Variants in YES1 observed in about 807,000 individuals in gnomAD.
The protein encoded by YES1 is YES proto-oncogene 1, Src family tyrosine kinase.
Under a neutral mutation model 70.4 loss-of-function variants are expected in YES1, and 39 were observed. The ratio of observed to expected loss-of-function variants is 0.55; its 90% CI spans 0.43 to 0.72. The LOEUF (loss-of-function observed/expected upper bound fraction) is 0.72. YES1 is among the 30% of genes least tolerant of loss of function. YES1 has a pLI of 0.00. For synonymous variants in YES1, 198 were observed against 218.6 expected (o/e 0.91, Z 0.83); for missense variants, 495 against 644.8 (o/e 0.77, Z 2.52).
intron 3 of YES1, among the ~76,000 whole-genome samples, chr18:751,056 G>A (rs1461523706): frequency 6.6e-6 from 1 of 152,110 alleles, no homozygotes. Flanking sequence ...AAAAGTAGAA[G>A]GATATGACCA....
intron 1 of YES1, among the ~76,000 whole-genome samples, chr18:786,927 C>T (rs1275321143): frequency 1.3e-5 from 2 of 151,932 alleles, no homozygotes; most frequent in African/African-American, 2.4e-5. Flanking sequence ...AGCCTGTATT[C>T]CCTCTAGGAG....
rs529994112 is a variant in YES1 at position 746,168 on chromosome 18, T to C, written c.471-117A>G. On this transcript the variant is annotated intron_variant, in intron 4 of 11. Transcript: ENST00000314574. ...GACGACAAAGAATAGCTAGAGAACA[T>C]GGCTCAAAATACAGGAAAATGTAAG... The C allele has an allele frequency of 1.0e-4, 71 of 680,144 alleles. 2 individuals carry two copies. Among genetic ancestry groups the C allele is most frequent in the South Asian group, 3.7e-4 (19 of 51,188 alleles). 42.1% of individuals were successfully genotyped at this position (680,144 alleles called of 1,614,324 possible).
chr18:808,059 T>C (rs908791075), intron 1 of YES1, among the ~76,000 whole-genome samples: 1 of 152,170 alleles, frequency 6.6e-6, no homozygotes. Flanking sequence ...ACCTCAACAG[T>C]ACATTATTCT....
chr18:799,233 G>C (rs1383921984), intron 1 of YES1, among the ~76,000 whole-genome samples: 2 of 152,182 alleles, frequency 1.3e-5, no homozygotes, highest in African/African-American at 4.8e-5. Flanking sequence ...TTCTGTGACA[G>C]AGATAATTAC....
At chr18:736,294 A>G (rs1360702869) in intron 10 of YES1, 1 of 154,258 alleles carries the variant, frequency 6.5e-6, no homozygotes, top group African/African-American at 2.4e-5. Context: ...CAATCTCAGC[A>G]CCGCTACCAT....
chr18:752,932 G>T (rs1375050566), intron 2 of YES1, among the ~76,000 whole-genome samples: 1 of 152,098 alleles, frequency 6.6e-6, no homozygotes, highest in Non-Finnish European at 1.5e-5. Context: ...GACACAGCAA[G>T]ACTCTGTATC....
chr18:782,990 G>A (rs541582354), intron 1 of YES1, among the ~76,000 whole-genome samples: 3 of 152,264 alleles, frequency 2.0e-5, no homozygotes, highest in African/African-American at 7.2e-5. Context: ...CTAACTTTCT[G>A]AATTTCTGAT....
intron 8 of YES1, among the ~76,000 whole-genome samples, chr18:742,710 C>G (rs937167497): frequency 1.3e-5 from 2 of 152,136 alleles, no homozygotes; most frequent in African/African-American, 4.8e-5. Context: ...ATTAATTCAG[C>G]CTGCCTACTT....
chr18:724,323 A>G lies in YES1; in HGVS notation c.*101T>C, dbSNP rs1412524399. ...GGGATTCCAGTTTACCATTAAAAAC[A>G]TGCAGAGTAAAGAAGATTTTCTTCT... On this transcript the variant is annotated 3_prime_UTR_variant, in exon 12 of 12. Transcript: ENST00000314574. The G allele has an allele frequency of 8.6e-7, 1 of 1,159,546 alleles. No homozygotes were observed. The highest frequency in any genetic ancestry group is 2.5e-5 in the East Asian group (1 of 39,496). The allele number at this position is 1,159,546 out of a possible 1,614,324, so 71.8% of individuals were successfully genotyped here. A position where few individuals can be genotyped will look rare whatever the true frequency, so the allele number is the denominator to read the frequency against.
At chr18:758,000 C>T (rs1236322835) in intron 1 of YES1, among the ~76,000 whole-genome samples, 1 of 152,048 alleles carries the variant, frequency 6.6e-6, no homozygotes, top group African/African-American at 2.4e-5. Context: ...CTAGCAAATA[C>T]TGTTGTATTC....
chr18:783,989 A>G (rs1294582096), intron 1 of YES1, among the ~76,000 whole-genome samples: 1 of 152,208 alleles, frequency 6.6e-6, no homozygotes, highest in Non-Finnish European at 1.5e-5. Context: ...GGATAATTAG[A>G]AAAATCCATT....
At chr18:792,554 T>TCTCTCTCC (rs137948751) in intron 1 of YES1, among the ~76,000 whole-genome samples, 27 of 127,006 alleles carry the variant, frequency 2.1e-4, no homozygotes, top group Non-Finnish European at 3.2e-4. Context: ...TCTCTCTCTC[T>TCTCTCTCC]CCCTCTGTAT....
chr18:724,689 C>T (rs1455572388), intron 11 of YES1, 57 bp from the exon 12 acceptor site: 2 of 1,402,100 alleles, frequency 1.4e-6, no homozygotes, highest in African/African-American at 1.4e-5. Context: ...ACTAGGAAAA[C>T]ATAACAAACC....
chr18:797,989 CAG>C (rs1468232479), intron 1 of YES1: 2 of 152,184 alleles, frequency 1.3e-5, no homozygotes, highest in African/African-American at 2.4e-5. Flanking sequence ...CAAAAAATGA[CAG>C]GGGAAAGCAC....
intron 1 of YES1, among the ~76,000 whole-genome samples, chr18:782,753 G>A (rs555344863): frequency 3.6e-4 from 55 of 152,166 alleles, no homozygotes; most frequent in Middle Eastern, 3.4e-3. Context: ...GGAGTGCAGC[G>A]GCACAATCTC....
chr18:765,833 T>C (rs1048426464), intron 1 of YES1, among the ~76,000 whole-genome samples: 5 of 152,168 alleles, frequency 3.3e-5, no homozygotes, highest in African/African-American at 1.2e-4. Context: ...AGCTGATTAG[T>C]AATTTGGAGC....
chr18:787,634 T>C lies in YES1; in HGVS notation c.-9+24480A>G, dbSNP rs372354800. On this transcript the variant is annotated intron_variant, in intron 1 of 11. Transcript: ENST00000314574. Reference sequence around the variant, plus strand: ...CTAAGGCAGAAGAATCACTTTAACCTGGGATGCGGAGGTTGCAGTGAGCTG... The same window carrying C: ...CTAAGGCAGAAGAATCACTTTAACCCGGGATGCGGAGGTTGCAGTGAGCTG... Among the ~76,000 whole-genome samples the C allele has an allele frequency of 1.6e-4, 25 of 151,738 alleles. No homozygotes were observed. The East Asian group carries it at 3.0e-3, about 18-fold the overall frequency.
intron 11 of YES1, among the ~76,000 whole-genome samples, chr18:727,939 T>C (rs1225621133): frequency 6.6e-6 from 1 of 152,204 alleles, no homozygotes; most frequent in East Asian, 1.9e-4. Flanking sequence ...TCTGAAATGT[T>C]TGGGACCAGA....
At chr18:803,601 TA>T (rs1906935397) in intron 1 of YES1, among the ~76,000 whole-genome samples, 1 of 152,172 alleles carries the variant, frequency 6.6e-6, no homozygotes, top group Non-Finnish European at 1.5e-5. Flanking sequence ...TGGGGAAACC[TA>T]GGGAAGTTTC....
Sources: gnomAD v4.1 joint callset for allele counts (sites outside exome capture counted in the v4.1 genomes callset) on GRCh38, gnomAD v4.1.1 for gene constraint, MANE v1.5 for transcripts, NCBI Gene and HGNC (gene_info 2026-07-23, HGNC 2026-07-21) for gene names.